Variants in IFT70B observed in about 807,000 individuals in gnomAD.
IFT70B encodes the protein intraflagellar transport protein 70B.
the IFT70B span, chr2:177,551,878 T>A: frequency 6.2e-7 from 1 of 1,614,262 alleles, no homozygotes; most frequent in Admixed American, 1.7e-5. Context: ...TCCATGTTCA[T>A]TAGTGCCTGG....
At chr2:177,552,385 C>T in the IFT70B span, 3 of 1,613,914 alleles carry the variant, frequency 1.9e-6, no homozygotes, top group African/African-American at 1.3e-5. Context: ...GGCAGATCGC[C>T]CTCGCTGTAC....
chr2:177,549,867 A>G, the IFT70B span: 1 of 152,188 alleles, frequency 6.6e-6, no homozygotes, highest in African/African-American at 2.4e-5. Context: ...TAAATTGCAA[A>G]CACAAAGGTA....
chr2:177,551,349 T>C, the IFT70B span: 2 of 1,613,952 alleles, frequency 1.2e-6, no homozygotes, highest in East Asian at 2.2e-5. Flanking sequence ...GTATTTGTTT[T>C]CCTGCATGAA....
the IFT70B span, chr2:177,550,913 T>G: frequency 5.0e-6 from 8 of 1,614,052 alleles, no homozygotes; most frequent in Non-Finnish European, 6.8e-6. Context: ...GTTCACAGTG[T>G]TCTAGAAACT....
At chr2:177,552,549 C>A in the IFT70B span, 3 of 1,598,586 alleles carry the variant, frequency 1.9e-6, no homozygotes, top group Non-Finnish European at 8.5e-7. Flanking sequence ...GTGCAGCTGG[C>A]CCAGCTGCTC....
At chr2:177,551,488 C>A in the IFT70B span, 1 of 1,614,294 alleles carries the variant, frequency 6.2e-7, no homozygotes, top group Non-Finnish European at 8.5e-7. Flanking sequence ...GCCATCAACA[C>A]AGGAATGTAT....
the IFT70B span, chr2:177,552,164 GC>G: frequency 6.2e-7 from 1 of 1,614,246 alleles, no homozygotes. Context: ...ACTGTCGGCT[GC>G]TGTAATAGGC....
chr2:177,552,211 C>G, the IFT70B span: 1 of 1,614,066 alleles, frequency 6.2e-7, no homozygotes, highest in Non-Finnish European at 8.5e-7. Context: ...GGCTGGTAGC[C>G]CGAGGCCTGC....
the IFT70B span, chr2:177,550,692 G>A: frequency 7.6e-7 from 1 of 1,307,422 alleles, no homozygotes; most frequent in Non-Finnish European, 1.0e-6. Flanking sequence ...CAAATATAAA[G>A]ATGCCAAAGG....
the IFT70B span, chr2:177,551,091 C>G: frequency 6.2e-7 from 1 of 1,614,184 alleles, no homozygotes; most frequent in South Asian, 1.1e-5. Flanking sequence ...GTCATAATTT[C>G]CTTTGGCACA....
At chr2:177,549,705 T>C in the IFT70B span, 2 of 152,176 alleles carry the variant, frequency 1.3e-5, no homozygotes, top group East Asian at 1.9e-4. Context: ...ATGCATGTGG[T>C]TCCCAGTGGG....
chr2:177,549,406 G>A, the IFT70B span: 2 of 152,214 alleles, frequency 1.3e-5, no homozygotes, highest in Non-Finnish European at 2.9e-5. Context: ...CAGTACTTAT[G>A]TGGCTAAGTG....
the IFT70B span, chr2:177,551,595 A>G: frequency 6.2e-7 from 1 of 1,614,166 alleles, no homozygotes. Flanking sequence ...AAGTTTCCGG[A>G]GGACCTCAGT....
chr2:177,552,176 C>T, the IFT70B span: 1 of 1,614,212 alleles, frequency 6.2e-7, no homozygotes, highest in South Asian at 1.1e-5. Flanking sequence ...TGTAATAGGC[C>T]AAAGCCAGGT....
chr2:177,550,578 G>T, the IFT70B span: 1 of 491,430 alleles, frequency 2.0e-6, no homozygotes, highest in South Asian at 3.7e-5. Flanking sequence ...ATAACTCCTG[G>T]GGTAAAAGTT....
At chr2:177,551,688 T>C in the IFT70B span, 6 of 1,614,192 alleles carry the variant, frequency 3.7e-6, no homozygotes, top group Admixed American at 3.3e-5. Context: ...CAAGAAGTCA[T>C]AGAGATAGGG....
chr2:177,552,149 A>T, the IFT70B span: 2 of 1,614,206 alleles, frequency 1.2e-6, no homozygotes, highest in Non-Finnish European at 1.7e-6. Flanking sequence ...TCAGTGCTGA[A>T]GCATACTGTC....
the IFT70B span, chr2:177,549,572 G>C: frequency 2.0e-5 from 3 of 152,144 alleles, no homozygotes; most frequent in African/African-American, 7.2e-5. Flanking sequence ...TAATACACTT[G>C]ATTTTTCTAA....
the IFT70B span, chr2:177,551,801 C>A: frequency 3.7e-6 from 6 of 1,614,124 alleles, no homozygotes; most frequent in Non-Finnish European, 5.1e-6. Flanking sequence ...TGCCAAAAGT[C>A]TCTGGAGGAA....
Sources: allele counts gnomAD v4.1 joint callset, GRCh38; gene constraint gnomAD v4.1.1; transcripts MANE v1.5; gene names NCBI Gene and HGNC (gene_info 2026-07-23, HGNC 2026-07-21).